Variants in ARHGAP10 observed in about 807,000 individuals in gnomAD.
ARHGAP10 encodes rho GTPase-activating protein 10.
A neutral mutation model predicts 108.6 loss-of-function variants in ARHGAP10; 87 were observed. The observed-to-expected ratio is 0.80, with a 90% confidence interval of 0.67 to 0.96. The LOEUF is 0.96. Among genes scored for constraint, ARHGAP10 ranks in the 40% least tolerant of loss-of-function variants. ARHGAP10 has a pLI of 0.00. For missense variants in ARHGAP10, 939 were observed against 954.5 expected, an observed-to-expected ratio of 0.98 and a Z score of 0.21; for synonymous variants, 347 against 341.1, an observed-to-expected ratio of 1.02 and a Z score of -0.19.
chr4:147,956,931 G>A (rs1738808564), intron 16 of ARHGAP10, among the ~76,000 whole-genome samples: 1 of 152,100 alleles, frequency 6.6e-6, no homozygotes, highest in African/African-American at 2.4e-5. Context: ...TTCCTAAGAG[G>A]TAGGAGCTTA....
At chr4:147,735,420 T>G (rs1304342456) in intron 1 of ARHGAP10, among the ~76,000 whole-genome samples, 1 of 152,210 alleles carries the variant, frequency 6.6e-6, no homozygotes, top group Non-Finnish European at 1.5e-5. Context: ...AACTCACTGG[T>G]GATAAGGAGT....
In ARHGAP10 at chr4:147,951,103, A is replaced by G. The variant is rs572962345; in HGVS notation, c.1392-4213A>G. Among the ~76,000 whole-genome samples, 46 of 152,244 alleles carry G rather than the reference A, an allele frequency of 3.0e-4. No homozygotes were observed. In the East Asian group the frequency reaches 7.9e-3, roughly 26 times the overall value. On this transcript the variant is annotated intron_variant, in intron 15 of 22. Transcript: ENST00000336498. Reference sequence around the variant, plus strand: ...TATGGCTGCTTCCCTAATGTTAACAATATTTATTTTTTTATGCTGCATTGC... The same window carrying G: ...TATGGCTGCTTCCCTAATGTTAACAGTATTTATTTTTTTATGCTGCATTGC...
intron 19 of ARHGAP10, among the ~76,000 whole-genome samples, chr4:148,024,926 C>G (rs1741710430): frequency 1.3e-5 from 2 of 152,156 alleles, no homozygotes; most frequent in African/African-American, 4.8e-5. Context: ...CCTCAAATGG[C>G]TCATTGGCCC....
intron 1 of ARHGAP10, among the ~76,000 whole-genome samples, chr4:147,741,491 G>C (rs1240937636): frequency 6.6e-6 from 1 of 152,092 alleles, no homozygotes; most frequent in African/African-American, 2.4e-5. Flanking sequence ...TAAACACAAT[G>C]TACATGGAGA....
intron 20 of ARHGAP10, among the ~76,000 whole-genome samples, chr4:148,054,212 T>C (rs1231440875): frequency 6.6e-6 from 1 of 152,248 alleles, no homozygotes; most frequent in Non-Finnish European, 1.5e-5. Context: ...ACCGTTTACA[T>C]TGGTAAGTCA....
intron 3 of ARHGAP10, among the ~76,000 whole-genome samples, chr4:147,846,468 T>A (rs1232659339): frequency 6.6e-6 from 1 of 152,192 alleles, no homozygotes; most frequent in Admixed American, 6.5e-5. Flanking sequence ...GATGAATATT[T>A]TCTTTTATTT....
intron 5 of ARHGAP10, among the ~76,000 whole-genome samples, chr4:147,859,565 G>A (rs1262202717): frequency 2.0e-5 from 3 of 152,080 alleles, no homozygotes; most frequent in Non-Finnish European, 4.4e-5. Context: ...CGAGCCACAG[G>A]GCCCAGCCTA....
At chr4:147,956,756 TTTTTTC>T (rs1738801310) in intron 16 of ARHGAP10, among the ~76,000 whole-genome samples, 1 of 151,878 alleles carries the variant, frequency 6.6e-6, no homozygotes, top group African/African-American at 2.4e-5. Context: ...TTTCCTTTTT[TTTTTTC>T]TTTTATTATT....
intron 18 of ARHGAP10, among the ~76,000 whole-genome samples, chr4:147,971,090 T>C (rs1739388996): frequency 8.5e-6 from 1 of 116,984 alleles, no homozygotes; most frequent in Admixed American, 9.2e-5. Flanking sequence ...CGAGACTCTG[T>C]CTCAAAAAAA....
At chr4:147,829,213 G>T (rs1253691472) in intron 3 of ARHGAP10, among the ~76,000 whole-genome samples, 1 of 151,976 alleles carries the variant, frequency 6.6e-6, no homozygotes, top group Non-Finnish European at 1.5e-5. Context: ...ACTATGTCCG[G>T]CTAATTTTTT....
intron 1 of ARHGAP10, among the ~76,000 whole-genome samples, chr4:147,798,254 G>A (rs373173491): frequency 2.6e-5 from 4 of 151,732 alleles, no homozygotes; most frequent in Admixed American, 6.6e-5. Context: ...CCAAAATATC[G>A]GTACCTGCCT....
chr4:147,912,562 T>TAG (rs1736794561), intron 12 of ARHGAP10, among the ~76,000 whole-genome samples: 1 of 89,706 alleles, frequency 1.1e-5, no homozygotes, highest in Admixed American at 1.3e-4. Context: ...TATATATATA[T>TAG]ATATATATAT....
At chr4:147,875,950 C>T (rs1292690658) in intron 8 of ARHGAP10, among the ~76,000 whole-genome samples, 8 of 152,214 alleles carry the variant, frequency 5.3e-5, no homozygotes, top group Admixed American at 5.2e-4. Flanking sequence ...TGAAATGGGT[C>T]TCTTTACTAT....
chr4:147,853,348 G>T (rs1280179569), intron 4 of ARHGAP10, among the ~76,000 whole-genome samples: 1 of 152,130 alleles, frequency 6.6e-6, no homozygotes, highest in African/African-American at 2.4e-5. Flanking sequence ...GCTATTCAAG[G>T]ACCTGCCATA....
At chr4:148,070,815 G>A (rs1433997444) in intron 22 of ARHGAP10, among the ~76,000 whole-genome samples, 3 of 152,076 alleles carry the variant, frequency 2.0e-5, no homozygotes, top group Non-Finnish European at 2.9e-5. Context: ...TTTATGCCAC[G>A]GCTGCCACGC....
In ARHGAP10 at chr4:148,072,207, A is replaced by G; in HGVS notation, c.*126A>G. 1.6e-6 allele frequency: 1 copy of G among 625,808 alleles called. No individual in the cohort carries two copies. The highest frequency in any genetic ancestry group is 3.3e-5 in the Admixed American group (1 of 29,994). 38.8% of individuals were successfully genotyped at this position (625,808 alleles called of 1,614,324 possible). On this transcript the variant is annotated 3_prime_UTR_variant, in exon 23 of 23. Coordinates refer to ENST00000336498, the MANE Select transcript of ARHGAP10 (RefSeq NM_024605.4). ...ACCTCCACACTTGGGAGTTACCATC[A>G]TCACAGTCAGCCCTGGGGGTGGGGG...
chr4:147,963,769 C>T (rs1349969336), intron 16 of ARHGAP10, among the ~76,000 whole-genome samples: 2 of 152,198 alleles, frequency 1.3e-5, no homozygotes, highest in Non-Finnish European at 2.9e-5. Context: ...GGGATCCCTC[C>T]TTGCCACTCA....
At chr4:147,821,446 C>A (rs938358616) in intron 1 of ARHGAP10, among the ~76,000 whole-genome samples, 1 of 152,118 alleles carries the variant, frequency 6.6e-6, no homozygotes, top group Non-Finnish European at 1.5e-5. Flanking sequence ...AAATTAAAAT[C>A]CTGTATGATC....
At chr4:147,822,620 T>C in intron 1 of ARHGAP10, 107 bp from the exon 2 acceptor site, 1 of 1,108,040 alleles carries the variant, frequency 9.0e-7, no homozygotes, top group Non-Finnish European at 1.3e-6. Flanking sequence ...TCTCATAGAT[T>C]GAGCGGAGGA....
Sources: gnomAD v4.1 joint callset for allele counts (sites outside exome capture counted in the v4.1 genomes callset) on GRCh38, gnomAD v4.1.1 for gene constraint, MANE v1.5 for transcripts, NCBI Gene and HGNC (gene_info 2026-07-23, HGNC 2026-07-21) for gene names.